The following KCNH8 variants were observed in gnomAD, a reference collection of about 807,000 sequenced individuals.
KCNH8 encodes the protein voltage-gated delayed rectifier potassium channel KCNH8.
A neutral mutation model predicts 103.6 loss-of-function variants in KCNH8; 70 were observed. The ratio of observed to expected loss-of-function variants is 0.68; its 90% CI spans 0.56 to 0.82. KCNH8 has a LOEUF of 0.82. Ranked by LOEUF, KCNH8 falls within the 40% of genes least tolerant of loss-of-function variation. The probability of loss-of-function intolerance (pLI) is 0.00; values close to 1 mark genes in which losing one functional copy is unlikely to be tolerated. For synonymous variants in KCNH8, 498 were observed against 489.4 expected, an observed-to-expected ratio of 1.02 and a Z score of -0.23; for missense variants, 1,217 against 1,329.9, an observed-to-expected ratio of 0.92 and a Z score of 1.32.
Position 19,223,379 on chromosome 3 carries a change from T to A in KCNH8, c.77-30275T>A, listed in dbSNP as rs375791511. Among the ~76,000 whole-genome samples the A allele has an allele frequency of 1.5e-4, 23 of 152,356 alleles. No homozygotes were observed. In the South Asian group the frequency reaches 4.8e-3, roughly 32 times the overall value. ...AATGTAGTCAGATTTTTCCTCAGTA[T>A]TGAATAGGTAACTAACTCTTGAGTT... On this transcript the variant is annotated intron_variant, in intron 1 of 15. Coordinates refer to ENST00000328405, the MANE Select transcript of KCNH8 (RefSeq NM_144633.3).
At chr3:19,289,384 A>G (rs566361180) in intron 3 of KCNH8, among the ~76,000 whole-genome samples, 3 of 152,246 alleles carry the variant, frequency 2.0e-5, no homozygotes, top group South Asian at 2.1e-4. Context: ...TCTTTAATCT[A>G]TCTTGATTAA....
In KCNH8 at chr3:19,154,409, C is replaced by T. The variant is rs145461708; in HGVS notation, c.76+5614C>T. ...CCCACAGTTTTTGGTTATAATAAGC[C>T]ATTGGAAGTGATAGATCCATATTTT... On this transcript the variant is annotated intron_variant, in intron 1 of 15. Coordinates refer to ENST00000328405, the MANE Select transcript of KCNH8 (RefSeq NM_144633.3). Among the ~76,000 whole-genome samples the T allele has an allele frequency of 3.2e-3, 483 of 152,160 alleles. 1 individual carries two copies. Among genetic ancestry groups the T allele is most frequent in the Non-Finnish European group, 5.4e-3 (370 of 67,980 alleles).
chr3:19,361,614 G>C (rs1431006734), intron 5 of KCNH8, among the ~76,000 whole-genome samples: 1 of 152,012 alleles, frequency 6.6e-6, no homozygotes, highest in Non-Finnish European at 1.5e-5. Context: ...ACTATTATTT[G>C]GTATAGCATT....
At chr3:19,386,433 AT>A (rs2066357690) in intron 5 of KCNH8, among the ~76,000 whole-genome samples, 1 of 152,118 alleles carries the variant, frequency 6.6e-6, no homozygotes, top group Non-Finnish European at 1.5e-5. Context: ...GTAATTCTGT[AT>A]TAGCCTGCTT....
At chr3:19,260,487 G>GAC (rs2064416559) in intron 2 of KCNH8, among the ~76,000 whole-genome samples, 1 of 40,038 alleles carries the variant, frequency 2.5e-5, no homozygotes, top group South Asian at 1.4e-3. Context: ...TACTCTATAG[G>GAC]ATATATATAT....
At chr3:19,200,227 T>C (rs1165886088) in intron 1 of KCNH8, among the ~76,000 whole-genome samples, 2 of 151,942 alleles carry the variant, frequency 1.3e-5, no homozygotes, top group African/African-American at 4.8e-5. Context: ...TCCAAGATAA[T>C]GTTGACATAA....
chr3:19,330,014 T>TA (rs35275404), intron 3 of KCNH8, among the ~76,000 whole-genome samples: 16,937 of 146,502 alleles, frequency 0.12, 1,099 homozygotes, highest in East Asian at 0.18. Context: ...TTTCTAAAAG[T>TA]AAAAAAAAAA....
intron 3 of KCNH8, among the ~76,000 whole-genome samples, chr3:19,323,171 C>T (rs374134040): frequency 2.4e-4 from 36 of 152,026 alleles, no homozygotes; most frequent in Non-Finnish European, 8.8e-5. Flanking sequence ...GCTTCTGGGC[C>T]GCACACGGTG....
intron 11 of KCNH8, among the ~76,000 whole-genome samples, chr3:19,471,869 A>G (rs982438978): frequency 1.3e-5 from 2 of 152,216 alleles, no homozygotes; most frequent in Non-Finnish European, 2.9e-5. Flanking sequence ...GAGCATTCAT[A>G]GGAAACATGT....
chr3:19,379,563 C>T (rs2066261205), intron 5 of KCNH8, among the ~76,000 whole-genome samples: 1 of 152,032 alleles, frequency 6.6e-6, no homozygotes. Flanking sequence ...CTGCTTGAAC[C>T]TGGGAGGTGG....
intron 7 of KCNH8, among the ~76,000 whole-genome samples, chr3:19,422,494 T>A (rs927208348): frequency 6.6e-5 from 10 of 151,970 alleles, no homozygotes; most frequent in African/African-American, 2.4e-4. Context: ...CAAGAAGGGA[T>A]TTTTAGTTCC....
chr3:19,491,931 T>C (rs532121552), intron 11 of KCNH8, among the ~76,000 whole-genome samples: 1 of 152,290 alleles, frequency 6.6e-6, no homozygotes, highest in African/African-American at 2.4e-5. Flanking sequence ...TTAGTGATGA[T>C]AGCTTTTTTT....
chr3:19,376,212 G>A (rs979037330), intron 5 of KCNH8, among the ~76,000 whole-genome samples: 1 of 152,200 alleles, frequency 6.6e-6, no homozygotes, highest in Non-Finnish European at 1.5e-5. Flanking sequence ...CTGCCGCCTT[G>A]CAGTTTGATC....
At chr3:19,176,755 A>G (rs957132971) in intron 1 of KCNH8, among the ~76,000 whole-genome samples, 6 of 152,070 alleles carry the variant, frequency 3.9e-5, no homozygotes, top group Non-Finnish European at 8.8e-5. Flanking sequence ...TGTGTATATG[A>G]TATACAGTTG....
Position 19,513,151 on chromosome 3 carries a change from A to C in KCNH8, c.2261A>C (p.Lys754Thr). ...SNKAYLGLSL[K>T]QLASGTVPFH... Reference sequence around the variant, plus strand: ...AAAGCCTACCTGGGCTTAAGCTTAAAGCAACTGGCCTCGGGAACGGTGCCC... The same window carrying C: ...AAAGCCTACCTGGGCTTAAGCTTAACGCAACTGGCCTCGGGAACGGTGCCC... The change falls in exon 13 of 16, where the codon AAG (lysine) becomes ACG (threonine). Residue 754 changes from lysine (K) to threonine (T), a missense_variant. Transcript: ENST00000328405. 1 of 1,614,030 alleles carries C rather than the reference A, an allele frequency of 6.2e-7. No individual in the cohort carries two copies. Among genetic ancestry groups the C allele is most frequent in the South Asian group, 1.1e-5 (1 of 91,080 alleles).
chr3:19,348,479 A>G (rs768939747), intron 5 of KCNH8, among the ~76,000 whole-genome samples: 6 of 152,144 alleles, frequency 3.9e-5, no homozygotes, highest in Non-Finnish European at 7.4e-5. Context: ...TTAATTAAAG[A>G]AAAGGCCCCA....
At chr3:19,447,582 C>T (rs2067381380) in intron 8 of KCNH8, among the ~76,000 whole-genome samples, 2 of 151,964 alleles carry the variant, frequency 1.3e-5, no homozygotes, top group South Asian at 4.1e-4. Context: ...AAGACTATTA[C>T]ATAGTGTTAA....
At chr3:19,487,687 T>A (rs1028484160) in intron 11 of KCNH8, among the ~76,000 whole-genome samples, 2 of 151,954 alleles carry the variant, frequency 1.3e-5, no homozygotes, top group African/African-American at 4.8e-5. Context: ...TTAGAAAAAG[T>A]CTCTATTCTT....
At chr3:19,430,038 G>C (rs145923249) in intron 7 of KCNH8, among the ~76,000 whole-genome samples, 1 of 152,268 alleles carries the variant, frequency 6.6e-6, no homozygotes, top group Non-Finnish European at 1.5e-5. Context: ...GCATGCATGT[G>C]TCTTTATAAT....
Sources: allele counts gnomAD v4.1 joint callset (sites outside exome capture counted in the v4.1 genomes callset), GRCh38; gene constraint gnomAD v4.1.1; transcripts MANE v1.5; gene names NCBI Gene and HGNC (gene_info 2026-07-23, HGNC 2026-07-21).